Variants in RIMS2 observed in about 807,000 individuals in gnomAD.
RIMS2 encodes regulating synaptic membrane exocytosis protein 2.
RIMS2 carries 59 observed loss-of-function variants against 174.4 expected under a neutral mutation model. That is an observed-to-expected ratio of 0.34 (90% CI 0.27 to 0.42). The LOEUF (loss-of-function observed/expected upper bound fraction) is 0.42. Ranked by LOEUF, RIMS2 falls within the 10% of genes least tolerant of loss-of-function variation. The probability of loss-of-function intolerance (pLI) is 1.00; values close to 1 mark genes in which losing one functional copy is unlikely to be tolerated. For missense variants in RIMS2, 1,620 were observed against 1,666.3 expected, an observed-to-expected ratio of 0.97 and a Z score of 0.48; for synonymous variants, 606 against 572.5, an observed-to-expected ratio of 1.06 and a Z score of -0.84.
intron 1 of RIMS2, chr8:103,501,313 C>A: frequency 4.0e-6 from 1 of 247,582 alleles, no homozygotes. Flanking sequence ...GTGTGATTTT[C>A]CTTGGCGCCT....
At chr8:103,918,210 A>G (rs1442326173) in intron 8 of RIMS2, among the ~76,000 whole-genome samples, 1 of 152,178 alleles carries the variant, frequency 6.6e-6, no homozygotes, top group African/African-American at 2.4e-5. Flanking sequence ...AAAGTATGCT[A>G]TGGATGCATG....
intron 2 of RIMS2, among the ~76,000 whole-genome samples, chr8:103,734,424 A>T (rs1229757508): frequency 1.4e-5 from 2 of 143,814 alleles, no homozygotes; most frequent in African/African-American, 5.2e-5. Context: ...TTTTGGGGAT[A>T]TATTTTATGG....
intron 2 of RIMS2, among the ~76,000 whole-genome samples, chr8:103,703,802 C>T (rs553166134): frequency 2.7e-4 from 41 of 152,102 alleles, no homozygotes; most frequent in African/African-American, 7.7e-4. Context: ...TTGCTGCTGG[C>T]GTAGAGAAAT....
intron 3 of RIMS2, among the ~76,000 whole-genome samples, chr8:103,869,906 G>C (rs2099102243): frequency 6.6e-6 from 1 of 152,202 alleles, no homozygotes; most frequent in Non-Finnish European, 1.5e-5. Flanking sequence ...ACTTGTGGCA[G>C]TTAGGGGAGG....
At chr8:104,111,615 C>T (rs2098185216) in intron 19 of RIMS2, among the ~76,000 whole-genome samples, 1 of 152,102 alleles carries the variant, frequency 6.6e-6, no homozygotes, top group African/African-American at 2.4e-5. Flanking sequence ...ACCGTGTTGG[C>T]CAGGATGGTC....
At chr8:103,591,459 CTG>C (rs2094254136) in intron 1 of RIMS2, among the ~76,000 whole-genome samples, 1 of 150,922 alleles carries the variant, frequency 6.6e-6, no homozygotes, top group Non-Finnish European at 1.5e-5. Flanking sequence ...ATTATTGTCT[CTG>C]TGTTTTTTCT....
At chr8:103,992,107 G>T (rs1189086621) in intron 17 of RIMS2, among the ~76,000 whole-genome samples, 9 of 151,720 alleles carry the variant, frequency 5.9e-5, no homozygotes, top group Non-Finnish European at 1.3e-4. Flanking sequence ...TGTTGTTGTT[G>T]TTTTGTTTGT....
At chr8:103,593,384 A>G (rs1207013536) in intron 1 of RIMS2, among the ~76,000 whole-genome samples, 1 of 151,614 alleles carries the variant, frequency 6.6e-6, no homozygotes, top group Non-Finnish European at 1.5e-5. Context: ...AAGAGGGACC[A>G]AAAGATTTTA....
At chr8:104,135,310 A>C (rs1464111098) in intron 19 of RIMS2, among the ~76,000 whole-genome samples, 1 of 152,058 alleles carries the variant, frequency 6.6e-6, no homozygotes, top group South Asian at 2.1e-4. Context: ...AAGAATGCTG[A>C]TATGGGCCAG....
intron 3 of RIMS2, among the ~76,000 whole-genome samples, chr8:103,857,704 A>G (rs1159752972): frequency 6.6e-6 from 1 of 152,180 alleles, no homozygotes; most frequent in African/African-American, 2.4e-5. Context: ...GAATTACACC[A>G]CTTAATTGGA....
intron 1 of RIMS2, among the ~76,000 whole-genome samples, chr8:103,580,445 ATGTGTGTGTGTGTG>A (rs35882328): frequency 2.1e-4 from 32 of 149,656 alleles, no homozygotes; most frequent in African/African-American, 7.1e-4. Flanking sequence ...ATATGTGTGC[ATGTGTGTGTGTGTG>A]TGTGTGTGTG....
chr8:103,999,030 G>C (rs915950188), intron 17 of RIMS2, among the ~76,000 whole-genome samples: 3 of 151,736 alleles, frequency 2.0e-5, no homozygotes, highest in African/African-American at 2.4e-5. Context: ...TTAGAGATTT[G>C]AGCCAGTGAC....
chr8:103,733,269 C>T (rs559642581), intron 2 of RIMS2, among the ~76,000 whole-genome samples: 1 of 152,110 alleles, frequency 6.6e-6, no homozygotes, highest in African/African-American at 2.4e-5. Context: ...TGCCTGGTAC[C>T]CTGTTCTACT....
At chr8:103,762,067 G>T in intron 2 of RIMS2, among the ~76,000 whole-genome samples, 1 of 145,568 alleles carries the variant, frequency 6.9e-6, no homozygotes, top group Admixed American at 6.8e-5. Flanking sequence ...CAGCTGTTAT[G>T]GTTATTATTT....
intron 3 of RIMS2, among the ~76,000 whole-genome samples, chr8:103,778,562 A>G (rs558362969): frequency 1.3e-5 from 2 of 152,102 alleles, no homozygotes; most frequent in Non-Finnish European, 2.9e-5. Flanking sequence ...CTCCAGTTCC[A>G]TCCATGTTGC....
intron 4 of RIMS2, among the ~76,000 whole-genome samples, chr8:103,906,669 A>G (rs908312463): frequency 1.3e-5 from 2 of 152,214 alleles, no homozygotes; most frequent in Non-Finnish European, 2.9e-5. Flanking sequence ...GGTTGCAAGC[A>G]CAGAGGGAGA....
intron 1 of RIMS2, among the ~76,000 whole-genome samples, chr8:103,693,905 G>C (rs1346991360): frequency 1.3e-5 from 2 of 152,206 alleles, no homozygotes; most frequent in South Asian, 2.1e-4. Flanking sequence ...GTCAGGAGGG[G>C]CTGGCTAGGT....
exon 24 of RIMS2, chr8:104,251,627 G>T (rs200286153): frequency 7.5e-6 from 12 of 1,603,692 alleles, no homozygotes; most frequent in Non-Finnish European, 9.4e-6. Flanking sequence ...GATTATGGCC[G>T]CATGGATCAC....
At chr8:104,226,900 CATT>C (rs1337236481) in intron 19 of RIMS2, among the ~76,000 whole-genome samples, 1 of 152,180 alleles carries the variant, frequency 6.6e-6, no homozygotes, top group East Asian at 1.9e-4. Flanking sequence ...GTTGCTTCTT[CATT>C]ATTATATGAC....
Sources: allele counts gnomAD v4.1 joint callset (sites outside exome capture counted in the v4.1 genomes callset), GRCh38; gene constraint gnomAD v4.1.1; transcripts MANE v1.5; gene names NCBI Gene and HGNC (gene_info 2026-07-23, HGNC 2026-07-21).